Variants in LYPD6B observed in about 807,000 individuals in gnomAD.
LYPD6B encodes ly6/PLAUR domain-containing protein 6B.
In LYPD6B, 17 loss-of-function variants were observed where a neutral mutation model predicts 22.8. The ratio of observed to expected loss-of-function variants is 0.75; its 90% CI spans 0.51 to 1.12. The LOEUF is 1.12. Ranked by LOEUF, LYPD6B falls within the 50% of genes most tolerant of loss-of-function variation. The pLI, the probability that LYPD6B is intolerant of heterozygous loss-of-function variation, is 0.00. For synonymous variants in LYPD6B, 106 were observed against 91.6 expected (o/e 1.16, Z -0.90); for missense variants, 221 against 258.3 (o/e 0.86, Z 0.99).
At chr2:149,154,167 C>A in intron 2 of LYPD6B, 1 of 186,302 alleles carries the variant, frequency 5.4e-6, no homozygotes, top group Non-Finnish European at 9.3e-6. Flanking sequence ...AGTACCTTTG[C>A]AGATGTAATT....
chr2:149,039,643 G>A (rs578047187), intron 1 of LYPD6B, among the ~76,000 whole-genome samples: 1 of 152,358 alleles, frequency 6.6e-6, no homozygotes, highest in East Asian at 1.9e-4. Flanking sequence ...GTTATATGAT[G>A]TTCATGGAGT....
intron 1 of LYPD6B, chr2:149,068,837 A>G (rs549067043): frequency 7.3e-4 from 300 of 409,854 alleles, no homozygotes; most frequent in Admixed American, 1.7e-3. Context: ...TGAGAAGTCA[A>G]CTACTCCAGG....
At chr2:149,136,940 T>G (rs955077943) in intron 2 of LYPD6B, among the ~76,000 whole-genome samples, 1 of 152,188 alleles carries the variant, frequency 6.6e-6, no homozygotes, top group Non-Finnish European at 1.5e-5. Context: ...AGAGGAAAAT[T>G]AAAAATCCTT....
At chr2:149,173,079 G>C (rs992684693) in intron 3 of LYPD6B, among the ~76,000 whole-genome samples, 1 of 151,082 alleles carries the variant, frequency 6.6e-6, no homozygotes, top group Non-Finnish European at 1.5e-5. Context: ...AATTTCTCTG[G>C]AAAAACCTGA....
intron 3 of LYPD6B, among the ~76,000 whole-genome samples, chr2:149,171,093 C>T (rs756375022): frequency 6.6e-6 from 1 of 152,166 alleles, no homozygotes; most frequent in African/African-American, 2.4e-5. Flanking sequence ...GAGATAGGAC[C>T]TGGTTGCAGG....
chr2:149,192,992 A>G (rs1012385751), intron 3 of LYPD6B, among the ~76,000 whole-genome samples: 3 of 152,104 alleles, frequency 2.0e-5, no homozygotes, highest in African/African-American at 7.2e-5. Context: ...TGGAGTGATT[A>G]TTACCCACAG....
At chr2:149,055,844 A>G (rs960784558) in intron 1 of LYPD6B, among the ~76,000 whole-genome samples, 5 of 152,186 alleles carry the variant, frequency 3.3e-5, no homozygotes, top group African/African-American at 9.7e-5. Flanking sequence ...CTTTCTTCCA[A>G]TCTGAATGCC....
At chr2:149,068,776 G>T in intron 1 of LYPD6B, 1 of 494,316 alleles carries the variant, frequency 2.0e-6, no homozygotes, top group South Asian at 1.5e-5. Context: ...ACTTTTCAGA[G>T]AGGGAATGAA....
At chr2:149,150,911 T>TA (rs1353780358) in intron 2 of LYPD6B, among the ~76,000 whole-genome samples, 50 of 87,332 alleles carry the variant, frequency 5.7e-4, no homozygotes, top group Middle Eastern at 7.0e-3. Context: ...ACTGATTTTT[T>TA]TAAATTTTCT....
In LYPD6B at chr2:149,214,683, CT is replaced by C. The variant is rs1559085759; in HGVS notation, c.598del (p.Trp200GlyfsTer29). 6.2e-7 allele frequency: 1 copy of C among 1,614,014 alleles called. No individual in the cohort carries two copies. The highest frequency in any genetic ancestry group is 8.5e-7 in the Non-Finnish European group (1 of 1,179,878). On this transcript the variant is annotated frameshift_variant, in exon 7 of 7. Transcript: ENST00000409642. LOFTEE classifies it high-confidence loss of function. ...CCACACTCTACCTACCAGTGCTTGC[CT>C]GGGTCTTTGTGCTTCCATTGCTGTG... ...APTLYLPVLA[W>X]VFVLPLL is the part of the protein sequence containing the mutation.
chr2:149,056,032 G>A (rs1683771459), intron 1 of LYPD6B, among the ~76,000 whole-genome samples: 1 of 152,170 alleles, frequency 6.6e-6, no homozygotes, highest in Admixed American at 6.5e-5. Context: ...TAGAGCAGGA[G>A]GTACGGGCTG....
chr2:149,179,708 C>A (rs1418974098), intron 3 of LYPD6B, among the ~76,000 whole-genome samples: 3 of 152,210 alleles, frequency 2.0e-5, no homozygotes, highest in Non-Finnish European at 2.9e-5. Flanking sequence ...AAGTCACAGT[C>A]CCCTCAGCAT....
intron 2 of LYPD6B, among the ~76,000 whole-genome samples, chr2:149,150,978 A>G (rs1235873757): frequency 1.3e-5 from 2 of 152,150 alleles, no homozygotes; most frequent in Non-Finnish European, 2.9e-5. Flanking sequence ...CTTTTTACAA[A>G]GAAATATTGC....
At chr2:149,191,040 A>G (rs1177479062) in intron 3 of LYPD6B, among the ~76,000 whole-genome samples, 1 of 152,190 alleles carries the variant, frequency 6.6e-6, no homozygotes, top group East Asian at 1.9e-4. Context: ...GAACAATTTT[A>G]AGCTTATACA....
intron 1 of LYPD6B, among the ~76,000 whole-genome samples, chr2:149,091,301 G>A (rs1401805087): frequency 6.6e-6 from 1 of 150,834 alleles, no homozygotes; most frequent in African/African-American, 2.4e-5. Context: ...AAATTTATGT[G>A]TAAAGATTAC....
intron 1 of LYPD6B, among the ~76,000 whole-genome samples, chr2:149,077,235 G>A (rs1412384935): frequency 6.6e-6 from 1 of 152,184 alleles, no homozygotes; most frequent in East Asian, 1.9e-4. Flanking sequence ...TCAGACTGGG[G>A]ACATGCCCAG....
At chr2:149,201,746 T>C (rs577482946) in intron 3 of LYPD6B, among the ~76,000 whole-genome samples, 2 of 152,348 alleles carry the variant, frequency 1.3e-5, no homozygotes, top group African/African-American at 4.8e-5. Flanking sequence ...TTGCAGAATT[T>C]TGATAGAATA....
At chr2:149,044,971 AT>A (rs1302675584) in intron 1 of LYPD6B, among the ~76,000 whole-genome samples, 1 of 151,972 alleles carries the variant, frequency 6.6e-6, no homozygotes, top group Non-Finnish European at 1.5e-5. Context: ...GTTGTAATGT[AT>A]TTTTGGAGGG....
At chr2:149,103,828 G>A (rs1376304710) in intron 1 of LYPD6B, among the ~76,000 whole-genome samples, 1 of 141,356 alleles carries the variant, frequency 7.1e-6, no homozygotes, top group Non-Finnish European at 1.5e-5. Context: ...CCAGGCTGGA[G>A]TGCAGTGGCA....
Sources: allele counts gnomAD v4.1 joint callset (sites outside exome capture counted in the v4.1 genomes callset), GRCh38; gene constraint gnomAD v4.1.1; transcripts MANE v1.5; gene names NCBI Gene and HGNC (gene_info 2026-07-23, HGNC 2026-07-21).